SUN3: variants seen among roughly 807,000 people sequenced by gnomAD.
SUN3 encodes the protein Sad1 and UNC84 domain containing 3, also known as SUN domain-containing protein 3.
SUN3 carries 36 observed loss-of-function variants against 48.2 expected under a neutral mutation model. The observed-to-expected ratio is 0.75, with a 90% confidence interval of 0.57 to 0.99. The LOEUF (loss-of-function observed/expected upper bound fraction) is 0.99. Ranked by LOEUF, SUN3 falls within the 50% of genes least tolerant of loss-of-function variation. The pLI, the probability that SUN3 is intolerant of heterozygous loss-of-function variation, is 0.00. For missense variants in SUN3, 419 were observed against 433.1 expected (o/e 0.97, Z 0.29); for synonymous variants, 148 against 147.9 (o/e 1.00, Z 0.00).
intron 4 of SUN3, among the ~76,000 whole-genome samples, chr7:48,007,812 A>C (rs969011503): frequency 2.0e-5 from 3 of 149,900 alleles, no homozygotes; most frequent in Non-Finnish European, 4.4e-5. Context: ...GCAAGATTTT[A>C]CTTCCCAAGA....
intron 3 of SUN3, among the ~76,000 whole-genome samples, chr7:48,013,326 A>G (rs1194437810): frequency 6.6e-6 from 1 of 152,210 alleles, no homozygotes; most frequent in African/African-American, 2.4e-5. Context: ...TTTCGAGGAT[A>G]AAGTGTAATA....
At chr7:48,012,305 C>A in intron 3 of SUN3, among the ~76,000 whole-genome samples, 1 of 152,192 alleles carries the variant, frequency 6.6e-6, no homozygotes, top group East Asian at 1.9e-4. Flanking sequence ...CAATTTACAG[C>A]CTCCTGAGAC....
chr7:48,001,413 G>T (rs1221083283), intron 6 of SUN3, among the ~76,000 whole-genome samples: 3 of 151,698 alleles, frequency 2.0e-5, no homozygotes, highest in African/African-American at 7.3e-5. Flanking sequence ...CAAAGGACAT[G>T]ATCTTGTTCT....
chr7:47,999,477 G>A (rs531540579), intron 6 of SUN3, among the ~76,000 whole-genome samples: 153 of 151,696 alleles, frequency 1.0e-3, no homozygotes, highest in African/African-American at 3.4e-3. Flanking sequence ...TTCTCTCCCA[G>A]TTTTTCTTCA....
intron 8 of SUN3, among the ~76,000 whole-genome samples, chr7:47,990,536 C>T (rs6950051): frequency 0.18 from 27,873 of 151,008 alleles, 3,698 homozygotes; most frequent in African/African-American, 0.38. Context: ...TGGGCCCACT[C>T]TTCTTTCTCT....
intron 1 of SUN3, 64 bp downstream of exon 1, chr7:48,028,752 CA>C: frequency 6.3e-7 from 1 of 1,581,460 alleles, no homozygotes; most frequent in Non-Finnish European, 8.6e-7. Context: ...TGAACAGACA[CA>C]AGTGACAGAT....
At chr7:48,029,376 C>G (rs1372788361), upstream of SUN3, among the ~76,000 whole-genome samples, 1 of 152,192 alleles carries the variant, frequency 6.6e-6, no homozygotes, top group Non-Finnish European at 1.5e-5. Flanking sequence ...TGAATCTCAG[C>G]ACTCTTATTT....
chr7:47,994,076 C>A, intron 8 of SUN3, among the ~76,000 whole-genome samples: 1 of 152,068 alleles, frequency 6.6e-6, no homozygotes, highest in Non-Finnish European at 1.5e-5. Context: ...ATTACTGTTT[C>A]TTTACAAACT....
intron 6 of SUN3, among the ~76,000 whole-genome samples, chr7:48,003,643 G>A (rs111651618): frequency 0.027 from 4,148 of 152,132 alleles, 188 homozygotes; most frequent in African/African-American, 0.094. Flanking sequence ...AGCTGTATTC[G>A]TAGGTATTTT....
intron 2 of SUN3, 61 bp from the exon 3 acceptor site, chr7:48,017,426 A>C: frequency 1.1e-6 from 1 of 902,774 alleles, no homozygotes; most frequent in Non-Finnish European, 1.8e-6. Context: ...AATATTTTAC[A>C]TGTATTCATA....
chr7:48,017,988 T>C (rs1033398149), intron 2 of SUN3, among the ~76,000 whole-genome samples: 1 of 152,202 alleles, frequency 6.6e-6, no homozygotes, highest in African/African-American at 2.4e-5. Flanking sequence ...AGGCAGTCTC[T>C]TTCTGGAAAA....
At chr7:48,012,161 AG>A (rs1362697388) in intron 3 of SUN3, among the ~76,000 whole-genome samples, 1 of 152,226 alleles carries the variant, frequency 6.6e-6, no homozygotes, top group Non-Finnish European at 1.5e-5. Context: ...TGTCAGGGAA[AG>A]CCTCATCAGA....
At chr7:47,988,766 C>A (rs1309162265) in intron 9 of SUN3, 22 bp downstream of exon 9, 2 of 1,494,556 alleles carry the variant, frequency 1.3e-6, no homozygotes, top group East Asian at 2.3e-5. Flanking sequence ...CTACTCATAT[C>A]ATTTCCCAGA....
At chr7:48,025,839 T>G in intron 2 of SUN3, 38 bp downstream of exon 2, 2 of 1,379,936 alleles carry the variant, frequency 1.4e-6, no homozygotes, top group Non-Finnish European at 2.1e-6. Flanking sequence ...ACATAACCTG[T>G]GGAATGGTTT....
intron 7 of SUN3, among the ~76,000 whole-genome samples, chr7:47,995,256 T>C (rs1789177255): frequency 6.6e-6 from 1 of 150,888 alleles, no homozygotes; most frequent in Non-Finnish European, 1.5e-5. Flanking sequence ...GTGGCAGTGA[T>C]GGTGGCTGTG....
chr7:47,994,995 T>C (rs1484773826), intron 7 of SUN3, among the ~76,000 whole-genome samples: 3 of 152,242 alleles, frequency 2.0e-5, no homozygotes, highest in African/African-American at 7.2e-5. Context: ...GTAGTGGTGA[T>C]GGTGATTGCA....
chr7:48,023,148 T>C (rs1490547176), intron 2 of SUN3, among the ~76,000 whole-genome samples: 1 of 152,138 alleles, frequency 6.6e-6, no homozygotes, highest in Non-Finnish European at 1.5e-5. Context: ...CCTTCTTTTA[T>C]TTCTTTCATA....
At chr7:48,008,603 T>A (rs1789597134) in intron 4 of SUN3, among the ~76,000 whole-genome samples, 1 of 152,168 alleles carries the variant, frequency 6.6e-6, no homozygotes, top group Non-Finnish European at 1.5e-5. Flanking sequence ...AGTAGAAATA[T>A]GTAAAAGGAC....
intron 8 of SUN3, among the ~76,000 whole-genome samples, chr7:47,992,691 T>TG (rs1166846074): frequency 2.0e-5 from 3 of 150,572 alleles, no homozygotes; most frequent in South Asian, 2.1e-4. Flanking sequence ...AGGGATATCT[T>TG]GGGAAAAAAA....
Sources: allele counts gnomAD v4.1 joint callset (sites outside exome capture counted in the v4.1 genomes callset), GRCh38; gene constraint gnomAD v4.1.1; transcripts MANE v1.5; gene names NCBI Gene and HGNC (gene_info 2026-07-23, HGNC 2026-07-21).